MAP2: variants seen among roughly 807,000 people sequenced by gnomAD.
The protein encoded by MAP2 is microtubule-associated protein 2.
Under a neutral mutation model 137.6 loss-of-function variants are expected in MAP2, and 14 were observed. The ratio of observed to expected loss-of-function variants is 0.10; its 90% CI spans 0.07 to 0.16. The LOEUF is 0.16. Ranked by LOEUF, MAP2 falls within the 10% of genes least tolerant of loss-of-function variation. MAP2 has a pLI of 1.00. For missense variants in MAP2, 2,088 were observed against 2,191.5 expected (o/e 0.95, Z 0.94); for synonymous variants, 786 against 782.3 (o/e 1.00, Z -0.08).
intron 3 of MAP2, among the ~76,000 whole-genome samples, chr2:209,624,641 G>A (rs2091948555): frequency 6.6e-6 from 1 of 151,986 alleles, no homozygotes; most frequent in Admixed American, 6.6e-5. Context: ...ATGCAGACTG[G>A]GCTGGAGGCC....
At chr2:209,498,786 A>G (rs1354489674) in intron 1 of MAP2, among the ~76,000 whole-genome samples, 1 of 152,206 alleles carries the variant, frequency 6.6e-6, no homozygotes, top group Non-Finnish European at 1.5e-5. Flanking sequence ...GCAGTACAGT[A>G]TCCTAAGGCT....
intron 5 of MAP2, among the ~76,000 whole-genome samples, chr2:209,678,262 G>A (rs1180072560): frequency 6.6e-6 from 1 of 151,992 alleles, no homozygotes; most frequent in African/African-American, 2.4e-5. Flanking sequence ...TAACAGAGAT[G>A]TCATAGACTT....
intron 14 of MAP2, among the ~76,000 whole-genome samples, chr2:209,728,021 C>T (rs1292264676): frequency 6.6e-6 from 1 of 152,128 alleles, no homozygotes. Context: ...GTAGTCCTAG[C>T]TACTCAGAGG....
intron 4 of MAP2, among the ~76,000 whole-genome samples, chr2:209,629,568 C>A (rs1045221868): frequency 5.3e-5 from 8 of 152,278 alleles, no homozygotes; most frequent in Non-Finnish European, 1.2e-4. Context: ...CGCTCCGTGG[C>A]ACTCTGTGTG....
intron 5 of MAP2, among the ~76,000 whole-genome samples, chr2:209,654,911 A>G (rs974841010): frequency 6.6e-6 from 1 of 152,222 alleles, no homozygotes; most frequent in Non-Finnish European, 1.5e-5. Context: ...GATGAAAACA[A>G]TTGAAAAGTC....
At chr2:209,599,077 G>T (rs1026265431) in intron 3 of MAP2, among the ~76,000 whole-genome samples, 1 of 152,104 alleles carries the variant, frequency 6.6e-6, no homozygotes, top group African/African-American at 2.4e-5. Flanking sequence ...GTGTCAAAGT[G>T]TTCCTATTTC....
intron 2 of MAP2, among the ~76,000 whole-genome samples, chr2:209,528,737 CATGTATATATGTACATATGT>C (rs1270183780): frequency 0.018 from 2,702 of 147,816 alleles, 89 homozygotes; most frequent in African/African-American, 0.065. Context: ...CATAAATATA[CATGTATATATGTACATATGT>C]ATGTATATAT....
intron 4 of MAP2, among the ~76,000 whole-genome samples, chr2:209,652,552 A>G (rs1354133145): frequency 6.6e-6 from 1 of 152,190 alleles, no homozygotes; most frequent in East Asian, 1.9e-4. Flanking sequence ...AGAAAAGTGT[A>G]TCTACCTTCG....
At chr2:209,690,972 C>T (rs1435019872) in intron 7 of MAP2, 1 of 923,718 alleles carries the variant, frequency 1.1e-6, no homozygotes, top group African/African-American at 1.7e-5. Context: ...AACAAGTCCA[C>T]TGTTGTAGGC....
chr2:209,652,072 G>A (rs369711073), intron 4 of MAP2, among the ~76,000 whole-genome samples: 1 of 152,098 alleles, frequency 6.6e-6, no homozygotes, highest in Admixed American at 6.5e-5. Context: ...CTGTGGAGAC[G>A]ATAAGCCATC....
chr2:209,610,971 G>A (rs908583744), intron 3 of MAP2, among the ~76,000 whole-genome samples: 13 of 152,052 alleles, frequency 8.5e-5, no homozygotes, highest in African/African-American at 3.1e-4. Flanking sequence ...TGAATCCAAA[G>A]CTTTCATTAA....
At chr2:209,539,968 G>A (rs1037595061) in intron 2 of MAP2, among the ~76,000 whole-genome samples, 13 of 150,946 alleles carry the variant, frequency 8.6e-5, no homozygotes, top group Admixed American at 1.3e-4. Flanking sequence ...AGGCTTGGTG[G>A]CATGTGCCTG....
chr2:209,560,300 A>T (rs1578240076), intron 2 of MAP2, among the ~76,000 whole-genome samples: 1 of 152,228 alleles, frequency 6.6e-6, no homozygotes, highest in Non-Finnish European at 1.5e-5. Context: ...GATAAAACAT[A>T]CATTTGTGAT....
At chr2:209,678,452 G>A (rs905035632) in intron 5 of MAP2, 120 bp from the exon 6 acceptor site, 47 of 417,242 alleles carry the variant, frequency 1.1e-4, no homozygotes, top group African/African-American at 9.1e-4. Context: ...AAAAAATTAT[G>A]TTGTACTTTT....
In MAP2 at chr2:209,512,174, T is replaced by C. The variant is rs192661575; in HGVS notation, c.-172+4533T>C. On this transcript the variant is annotated intron_variant, in intron 2 of 15. Transcript: ENST00000682079. ...AGATATTATTATGAGTCTTAAAAAT[T>C]GTAACTTTTAGTCCACTTTTAAGCC... 9.7e-4 allele frequency among the ~76,000 whole-genome samples: 147 copies of C among 152,274 alleles called. 1 individual carries two copies. The highest frequency in any genetic ancestry group is 9.6e-3 in the Admixed American group (147 of 15,268).
intron 1 of MAP2, among the ~76,000 whole-genome samples, chr2:209,481,014 C>T (rs1157965585): frequency 1.3e-5 from 2 of 152,166 alleles, no homozygotes; most frequent in Admixed American, 1.3e-4. Context: ...TTCGAGGTTA[C>T]AAGATTGTTA....
At chr2:209,537,883 A>G (rs1338150199) in intron 2 of MAP2, among the ~76,000 whole-genome samples, 1 of 152,226 alleles carries the variant, frequency 6.6e-6, no homozygotes, top group Admixed American at 6.5e-5. Flanking sequence ...AGCATTAATA[A>G]GCACAGAAAT....
chr2:209,562,435 G>A (rs369674304), intron 2 of MAP2, among the ~76,000 whole-genome samples: 1 of 151,150 alleles, frequency 6.6e-6, no homozygotes, highest in African/African-American at 2.4e-5. Context: ...GCTGGCTTAC[G>A]TCTGTAATTC....
chr2:209,459,144 G>A (rs1003988461), intron 1 of MAP2, among the ~76,000 whole-genome samples: 3 of 152,100 alleles, frequency 2.0e-5, no homozygotes, highest in Non-Finnish European at 4.4e-5. Context: ...AAGAGAATGA[G>A]TTATGTAGTC....
Sources: allele counts gnomAD v4.1 joint callset (sites outside exome capture counted in the v4.1 genomes callset), GRCh38; gene constraint gnomAD v4.1.1; transcripts MANE v1.5; gene names NCBI Gene and HGNC (gene_info 2026-07-23, HGNC 2026-07-21).